The following TRRAP variants were observed in gnomAD, a reference collection of about 807,000 sequenced individuals.
The protein encoded by TRRAP is transformation/transcription domain-associated protein.
TRRAP carries 41 observed loss-of-function variants against 438.8 expected under a neutral mutation model. The ratio of observed to expected loss-of-function variants is 0.09; its 90% CI spans 0.07 to 0.12. The LOEUF (loss-of-function observed/expected upper bound fraction) is 0.12, where lower values mean the gene tolerates loss of function less well. Among genes scored for constraint, TRRAP ranks in the 10% least tolerant of loss-of-function variants. The pLI, the probability that TRRAP is intolerant of heterozygous loss-of-function variation, is 1.00. For synonymous variants in TRRAP, 1,994 were observed against 1,962.9 expected (o/e 1.02, Z -0.42); for missense variants, 3,122 against 5,055.1 (o/e 0.62, Z 11.60).
At chr7:98,958,133 A>G (rs1019557059) in intron 44 of TRRAP, 42 bp downstream of exon 44, 20 of 1,559,504 alleles carry the variant, frequency 1.3e-5, no homozygotes, top group Non-Finnish European at 1.7e-5. Flanking sequence ...TCTGCAGACC[A>G]GAGGCTACTG....
chr7:98,937,719 G>C lies in TRRAP; in HGVS notation c.4303G>C (p.Gly1435Arg). The change falls in exon 30 of 73, where the codon GGA becomes CGA. Residue 1435 changes from glycine to arginine, a missense_variant. Transcript: ENST00000456197. ...THMRPLLMML[G>R]DYRSLTLNVV... ...TATGCGACCTTTGCTGATGATGCTG[G>C]GAGATTACCGGAGCTTGACGCTGAA... 1 of 1,614,026 alleles carries C rather than the reference G, an allele frequency of 6.2e-7. No homozygotes were observed. Among genetic ancestry groups the C allele is most frequent in the Non-Finnish European group, 8.5e-7 (1 of 1,179,972 alleles).
intron 18 of TRRAP, among the ~76,000 whole-genome samples, chr7:98,914,784 T>C (rs1448228707): frequency 6.8e-6 from 1 of 147,370 alleles, no homozygotes; most frequent in African/African-American, 2.5e-5. Context: ...AAGAAAAGTA[T>C]TCAAGGAACA....
At chr7:98,958,523 C>T (rs1472939407) in intron 44 of TRRAP, among the ~76,000 whole-genome samples, 1 of 152,170 alleles carries the variant, frequency 6.6e-6, no homozygotes, top group Non-Finnish European at 1.5e-5. Flanking sequence ...TGGTCTCGAG[C>T]TCCTGACCTC....
chr7:98,901,394 T>C (rs555520179), intron 11 of TRRAP, among the ~76,000 whole-genome samples: 17 of 152,318 alleles, frequency 1.1e-4, no homozygotes, highest in Admixed American at 5.9e-4. Context: ...CAGTCACATA[T>C]GGAGTTAGGG....
At chr7:98,881,625 G>C (rs1265092259) in intron 2 of TRRAP, 2 of 288,546 alleles carry the variant, frequency 6.9e-6, no homozygotes, top group Non-Finnish European at 1.3e-5. Context: ...TCTCAGCTCA[G>C]ATGTTGTGTA....
rs35981301 is a variant in TRRAP, at chr7:99,007,824, CTT to C, written c.10754-538_10754-537del. On this transcript the variant is annotated intron_variant, in intron 69 of 72. Transcript: ENST00000456197. Reference sequence around the variant, plus strand: ...TTTATTTTTTGTTTTTTTAAGATGTCTTTTTTTTTTTTTTTTCTTTGAGATGG... The same window carrying C: ...TTTATTTTTTGTTTTTTTAAGATGTCTTTTTTTTTTTTTTCTTTGAGATGG... Among the ~76,000 whole-genome samples, 33 of 137,740 alleles carry C rather than the reference CTT, an allele frequency of 2.4e-4. 1 individual carries two copies. Among genetic ancestry groups the C allele is most frequent in the African/African-American group, 7.5e-4 (28 of 37,392 alleles). The allele number at this position is 137,740 out of a possible 152,430, so 90.4% of individuals were successfully genotyped here. A position where few individuals can be genotyped will look rare whatever the true frequency, so the allele number is the denominator to read the frequency against.
intron 3 of TRRAP, among the ~76,000 whole-genome samples, chr7:98,885,384 C>T (rs530494451): frequency 6.6e-5 from 10 of 152,060 alleles, no homozygotes; most frequent in African/African-American, 2.4e-4. Flanking sequence ...GCCCAGCCAA[C>T]ATTTCTTTTT....
intron 70 of TRRAP, among the ~76,000 whole-genome samples, chr7:99,010,080 G>C (rs1238658950): frequency 6.6e-6 from 1 of 151,882 alleles, no homozygotes; most frequent in Non-Finnish European, 1.5e-5. Context: ...GAGAGATGGG[G>C]TTTCACCATG....
chr7:99,006,066 G>C (rs1335109772), intron 69 of TRRAP, among the ~76,000 whole-genome samples: 1 of 152,186 alleles, frequency 6.6e-6, no homozygotes, highest in East Asian at 1.9e-4. Context: ...CCCTGTTAAG[G>C]CCACAGAAAT....
chr7:98,963,804 G>A (rs1340184313), intron 47 of TRRAP, among the ~76,000 whole-genome samples: 1 of 152,194 alleles, frequency 6.6e-6, no homozygotes, highest in Non-Finnish European at 1.5e-5. Flanking sequence ...AGTAGGGCCA[G>A]GTGCAGTAAC....
At chr7:98,929,934 T>C in intron 23 of TRRAP, 55 bp from the exon 24 acceptor site, 1 of 1,568,676 alleles carries the variant, frequency 6.4e-7, no homozygotes. Context: ...ATTGGGGAGT[T>C]CTGCAGTTTG....
At chr7:98,989,440 C>T (rs1415467842) in intron 63 of TRRAP, among the ~76,000 whole-genome samples, 1 of 152,248 alleles carries the variant, frequency 6.6e-6, no homozygotes, top group East Asian at 1.9e-4. Flanking sequence ...GAAGGATGTG[C>T]ACTTGACACT....
intron 63 of TRRAP, among the ~76,000 whole-genome samples, chr7:98,989,215 A>C (rs374217959): frequency 6.6e-6 from 1 of 152,248 alleles, no homozygotes; most frequent in South Asian, 2.1e-4. Context: ...CAAGTCTAGC[A>C]CTGCCTGTGG....
intron 67 of TRRAP, among the ~76,000 whole-genome samples, chr7:98,996,826 T>C (rs972108083): frequency 1.6e-4 from 25 of 152,196 alleles, no homozygotes; most frequent in African/African-American, 5.8e-4. Context: ...AAAATGTGAT[T>C]AGTTGCCTTG....
At chr7:98,911,025 T>G in intron 16 of TRRAP, 52 bp from the exon 17 acceptor site, 1 of 1,532,342 alleles carries the variant, frequency 6.5e-7, no homozygotes, top group Non-Finnish European at 8.9e-7. Context: ...TGGAACATAT[T>G]CAGAGAGGTT....
chr7:98,920,480 A>G (rs897854753), intron 20 of TRRAP, among the ~76,000 whole-genome samples: 7 of 152,094 alleles, frequency 4.6e-5, no homozygotes, highest in South Asian at 2.1e-4. Context: ...CAAAAAAAAA[A>G]AAAAGAAAAG....
At chr7:98,999,527 G>A in intron 67 of TRRAP, 1 of 726,072 alleles carries the variant, frequency 1.4e-6, no homozygotes, top group Non-Finnish European at 2.5e-6. Flanking sequence ...GGGTGCACCA[G>A]GGTCTCTTGC....
At position 99,005,286 on chromosome 7, in the gene TRRAP, G is replaced by A. The variant is rs1190818340; in HGVS notation, c.10691G>A (p.Arg3564His). 32 of 1,614,012 alleles carry A rather than the reference G, an allele frequency of 2.0e-5. No homozygotes were observed. Among genetic ancestry groups the A allele is most frequent in the African/African-American group, 4.0e-5 (3 of 74,922 alleles). Residue 3564 changes from arginine to histidine, a missense_variant, in exon 69 of 73, where the codon CGT becomes CAT. By Grantham distance (29) the Arg-to-His change is conservative. Around this residue, in one of 24 missense-constraint regions of TRRAP, gnomAD observed 95 missense variants for 144.1 expected, o/e 0.66. Transcript: ENST00000456197. The surrounding 1 kb of genome is among the most constrained non-coding windows in gnomAD (Gnocchi z 5.1). The stretch of plus-strand genomic sequence containing the variant: ...GAGGAGCGTGTGTTGCAGCTGCTGC[G>A]TCTGCTGAACCCCTGTTTGGAGAAG... ...RREERVLQLL[R>H]LLNPCLEKRK...
chr7:98,923,162 G>T (rs1172742707), intron 21 of TRRAP, among the ~76,000 whole-genome samples: 1 of 152,178 alleles, frequency 6.6e-6, no homozygotes, highest in Non-Finnish European at 1.5e-5. Context: ...TCTCCTAAGA[G>T]AATTGGATGG....
Sources: allele counts gnomAD v4.1 joint callset (sites outside exome capture counted in the v4.1 genomes callset), GRCh38; gene constraint gnomAD v4.1.1; regional missense constraint gnomAD v4.1.1; non-coding constraint Gnocchi (gnomAD v3.1); transcripts MANE v1.5; gene names NCBI Gene and HGNC (gene_info 2026-07-23, HGNC 2026-07-21).